Variants in TRIM15 observed in about 807,000 individuals in gnomAD.
TRIM15 encodes the protein tripartite motif containing 15, also known as E3 ubiquitin-protein ligase TRIM15.
TRIM15 carries 35 observed loss-of-function variants against 35.8 expected under a neutral mutation model. That is an observed-to-expected ratio of 0.98 (90% CI 0.75 to 1.30). The LOEUF (loss-of-function observed/expected upper bound fraction) is 1.30, where lower values mean the gene tolerates loss of function less well. Among genes scored for constraint, TRIM15 ranks in the 50% most tolerant of loss-of-function variants. TRIM15 has a pLI of 0.00. For missense variants in TRIM15, 590 were observed against 593.5 expected (o/e 0.99, Z 0.06); for synonymous variants, 252 against 249.8 (o/e 1.01, Z -0.08).
intron 3 of TRIM15, 52 bp downstream of exon 3, chr6:30,168,582 G>A: frequency 6.7e-7 from 1 of 1,502,794 alleles, no homozygotes; most frequent in Non-Finnish European, 9.0e-7. Flanking sequence ...CCACGGGGAA[G>A]GGGGTGGGCA....
intron 2 of TRIM15, among the ~76,000 whole-genome samples, chr6:30,167,904 C>T (rs1388415226): frequency 1.3e-5 from 2 of 152,112 alleles, no homozygotes; most frequent in Admixed American, 6.5e-5. Flanking sequence ...CGGCTAAAAC[C>T]AAAATTACAC....
At position 30,163,610 on chromosome 6, in the gene TRIM15, G is replaced by A; in HGVS notation, c.-75G>A. ...GTTTCCCTCTGCGATTCATGTAAGTGTGACTCGATTTCAGGGAAAGGGAAC... is the reference window on the plus strand; with the variant it reads ...GTTTCCCTCTGCGATTCATGTAAGTATGACTCGATTTCAGGGAAAGGGAAC... On this transcript the variant is annotated 5_prime_UTR_variant, in exon 1 of 7. The change creates a new upstream start codon in the 5' untranslated region. Transcript: ENST00000376694. The A allele has an allele frequency of 6.6e-7, 1 of 1,508,160 alleles. No homozygotes were observed. The highest frequency in any genetic ancestry group is 1.3e-5 in the South Asian group (1 of 77,006). 93.4% of individuals were successfully genotyped at this position (1,508,160 alleles called of 1,614,324 possible). A position where few individuals can be genotyped will look rare whatever the true frequency, so the allele number is the denominator to read the frequency against.
Position 30,163,739 on chromosome 6 carries a change from T to G in TRIM15, c.55T>G (p.Cys19Gly). 1 of 1,612,998 alleles carries G rather than the reference T, an allele frequency of 6.2e-7. No individual in the cohort carries two copies. The highest frequency in any genetic ancestry group is 8.5e-7 in the Non-Finnish European group (1 of 1,180,018). The part of the protein sequence containing the change: ...VVHELPACTL[C>G]AGPLEDAVTI... ...CCATGAGCTGCCTGCCTGTACCCTC[T>G]GTGCGGGGCCGCTGGAGGATGCGGT... is the stretch of plus-strand genomic sequence containing the variant. The change falls in exon 1 of 7, where the codon TGT becomes GGT. Residue 19 changes from cysteine to glycine, a missense_variant. Coordinates refer to ENST00000376694, the MANE Select transcript of TRIM15 (RefSeq NM_033229.3).
chr6:30,170,593 C>CA lies in TRIM15; in HGVS notation c.825dup (p.Glu276ArgfsTer79). Reference sequence around the variant, plus strand: ...TTCCACAGGAAAATACTCACCCTCCCAGAGATGATGAGGATGTTCTCAGGT... The same window carrying CA: ...TTCCACAGGAAAATACTCACCCTCCCAAGAGATGATGAGGATGTTCTCAGGT... On this transcript the variant is annotated frameshift_variant, in exon 5 of 7. Transcript: ENST00000376694. LOFTEE classifies it high-confidence loss of function. 2 of 1,613,962 alleles carry CA rather than the reference C, an allele frequency of 1.2e-6. No homozygotes were observed. The highest frequency in any genetic ancestry group is 1.7e-6 in the Non-Finnish European group (2 of 1,179,928).
intron 1 of TRIM15, 52 bp downstream of exon 1, chr6:30,164,117 T>A: frequency 6.4e-7 from 1 of 1,554,758 alleles, no homozygotes; most frequent in Non-Finnish European, 8.7e-7. Flanking sequence ...TGATGTCCTG[T>A]TATGAGGGGA....
chr6:30,172,662 A>G lies in TRIM15; in HGVS notation c.*313A>G. 1 of 591,866 alleles carries G rather than the reference A, an allele frequency of 1.7e-6. No homozygotes were observed. The highest frequency in any genetic ancestry group is 3.1e-6 in the Non-Finnish European group (1 of 325,524). 36.7% of individuals were successfully genotyped at this position (591,866 alleles called of 1,614,324 possible). A position where few individuals can be genotyped will look rare whatever the true frequency, so the allele number is the denominator to read the frequency against. On this transcript the variant is annotated 3_prime_UTR_variant, in exon 7 of 7. Coordinates refer to ENST00000376694, the MANE Select transcript of TRIM15 (RefSeq NM_033229.3). ...TTTCGGGGAAAAAAAAGAAAAAGAC[A>G]TCTAAAATAAAATGTTTAAACTGTT...
rs1773755515 is a variant in TRIM15, at chr6:30,168,324, C to T, written c.502C>T (p.Gln168Ter). The T allele has an allele frequency of 6.2e-7, 1 of 1,612,958 alleles. No homozygotes were observed. Among genetic ancestry groups the T allele is most frequent in the Non-Finnish European group, 8.5e-7 (1 of 1,179,960 alleles). ...LLTQIESKKH[Q>*]VETAFERLQQ... Reference sequence around the variant, plus strand: ...GACTCAGATCGAAAGCAAGAAGCATCAGGTGGAAACAGCTTTTGAGAGGCT... The same window carrying T: ...GACTCAGATCGAAAGCAAGAAGCATTAGGTGGAAACAGCTTTTGAGAGGCT... The change falls in exon 3 of 7, where the codon CAG becomes TAG. Residue 168 changes from glutamine to a stop codon, truncating the protein, a stop_gained. Transcript: ENST00000376694. LOFTEE classifies it high-confidence loss of function.
rs777551662 is a variant in TRIM15 at position 30,168,575 on chromosome 6, C to T, written c.708+45C>T. The T allele has an allele frequency of 1.2e-4, 180 of 1,518,500 alleles. 2 individuals are homozygous for T. The highest frequency in any genetic ancestry group is 3.7e-4 in the Middle Eastern group (2 of 5,468). 94.1% of individuals were successfully genotyped at this position (1,518,500 alleles called of 1,614,324 possible). A position where few individuals can be genotyped will look rare whatever the true frequency, so the allele number is the denominator to read the frequency against. On this transcript the variant is annotated intron_variant, in intron 3 of 6. Transcript: ENST00000376694. ...TTTGTAGGATAAGAGAGGGACTCCA[C>T]GGGGAAGGGGGTGGGCACCATGCTT...
chr6:30,172,407 G>A lies in TRIM15; in HGVS notation c.*58G>A, dbSNP rs1774106738. ...CGGCGGCTCTCCGGGATCCAGCTCC[G>A]CCCCTGGCCAGTGTGCGGCCCGGGG... On this transcript the variant is annotated 3_prime_UTR_variant, in exon 7 of 7. Coordinates refer to ENST00000376694, the MANE Select transcript of TRIM15 (RefSeq NM_033229.3). 1.9e-6 allele frequency: 3 copies of A among 1,538,858 alleles called. No homozygotes were observed. Among genetic ancestry groups the A allele is most frequent in the African/African-American group, 2.7e-5 (2 of 72,934 alleles).
In TRIM15 at chr6:30,168,320, G is replaced by A. The variant is rs757102557; in HGVS notation, c.498G>A (p.Lys166=). The A allele has an allele frequency of 3.1e-6, 5 of 1,612,802 alleles. No individual in the cohort carries two copies. The South Asian group carries it at 5.5e-5, about 18-fold the overall frequency. The stretch of plus-strand genomic sequence containing the variant: ...TGAAGACTCAGATCGAAAGCAAGAA[G>A]CATCAGGTGGAAACAGCTTTTGAGA... The part of the protein sequence containing the change: ...QVLLTQIESK[K]HQVETAFERL... Residue 166 remains lysine (K), a synonymous_variant, in exon 3 of 7, where the codon AAG becomes AAA. Transcript: ENST00000376694.
intron 4 of TRIM15, chr6:30,170,232 C>A: frequency 2.4e-6 from 1 of 422,516 alleles, no homozygotes; most frequent in Non-Finnish European, 4.2e-6. Context: ...ATCTCTGTCC[C>A]TCAGCCCCTA....
At chr6:30,166,330 A>G (rs762658263) in intron 1 of TRIM15, among the ~76,000 whole-genome samples, 34 of 152,198 alleles carry the variant, frequency 2.2e-4, no homozygotes, top group Non-Finnish European at 4.1e-4. Flanking sequence ...ATGGCTAGCC[A>G]GTTTTCCCAA....
At chr6:30,171,386 T>G (rs921681112) in intron 6 of TRIM15, among the ~76,000 whole-genome samples, 1 of 152,234 alleles carries the variant, frequency 6.6e-6, no homozygotes, top group Non-Finnish European at 1.5e-5. Flanking sequence ...TGCTGGGCTC[T>G]CTACTGATTT....
intron 2 of TRIM15, 139 bp downstream of exon 2, chr6:30,167,410 A>C: frequency 1.5e-6 from 1 of 689,422 alleles, no homozygotes; most frequent in East Asian, 2.7e-5. Context: ...GGCTGCACAA[A>C]GGCATTTGGG....
chr6:30,163,774 C>T lies in TRIM15; in HGVS notation c.90C>T (p.Pro30=), dbSNP rs1257954804. The change falls in exon 1 of 7, where the codon CCC becomes CCT. Residue 30 remains proline, a synonymous_variant. Transcript: ENST00000376694. ...CGCTGGAGGATGCGGTGACCATTCC[C>T]TGTGGACACACCTTCTGCCGGCTCT... The part of the protein sequence containing the change: ...AGPLEDAVTI[P]CGHTFCRLCL... 6.2e-7 allele frequency: 1 copy of T among 1,613,038 alleles called. No individual in the cohort carries two copies. Among genetic ancestry groups the T allele is most frequent in the South Asian group, 1.1e-5 (1 of 91,084 alleles).
intron 4 of TRIM15, 27 bp from the exon 5 acceptor site, chr6:30,170,474 C>G (rs1375411331): frequency 1.6e-5 from 25 of 1,551,762 alleles, no homozygotes; most frequent in Non-Finnish European, 2.1e-5. Context: ...GAATTTGGAC[C>G]TAACTGGTTA....
In TRIM15 at chr6:30,172,268, C is replaced by T. The variant is rs1774091629; in HGVS notation, c.1317C>T (p.Thr439=). 6.2e-7 allele frequency: 1 copy of T among 1,612,814 alleles called. No homozygotes were observed. Among genetic ancestry groups the T allele is most frequent in the Non-Finnish European group, 8.5e-7 (1 of 1,179,954 alleles). Residue 439 remains threonine (T), a synonymous_variant, in exon 7 of 7, where the codon ACC becomes ACT. Transcript: ENST00000376694. ...HNAQTQEPIF[T]FTASFSGKVF... Reference sequence around the variant, plus strand: ...CCCAGACCCAGGAGCCCATCTTCACCTTCACTGCCTCTTTCTCCGGCAAAG... The same window carrying T: ...CCCAGACCCAGGAGCCCATCTTCACTTTCACTGCCTCTTTCTCCGGCAAAG...
intron 1 of TRIM15, among the ~76,000 whole-genome samples, chr6:30,165,256 C>T (rs1773516147): frequency 6.6e-6 from 1 of 152,114 alleles, no homozygotes; most frequent in Non-Finnish European, 1.5e-5. Context: ...CTCCCCTAGT[C>T]CCCCAAGCCC....
chr6:30,170,254 A>T (rs144313476), intron 4 of TRIM15: 121 of 478,692 alleles, frequency 2.5e-4, no homozygotes, highest in African/African-American at 2.3e-3. Flanking sequence ...AGAACCAAAC[A>T]TTCTCCTAAA....
Sources: allele counts gnomAD v4.1 joint callset (sites outside exome capture counted in the v4.1 genomes callset), GRCh38; gene constraint gnomAD v4.1.1; transcripts MANE v1.5; gene names NCBI Gene and HGNC (gene_info 2026-07-23, HGNC 2026-07-21).